GHR: variants seen among roughly 807,000 people sequenced by gnomAD.
GHR encodes GH receptor.
In GHR, 35 loss-of-function variants were observed where a neutral mutation model predicts 67.1. That is an observed-to-expected ratio of 0.52 (90% CI 0.40 to 0.69). The LOEUF (loss-of-function observed/expected upper bound fraction) is 0.69. Among genes scored for constraint, GHR ranks in the 30% least tolerant of loss-of-function variants. The pLI is 0.00. For missense variants in GHR, 792 were observed against 764.6 expected (o/e 1.04, Z -0.42); for synonymous variants, 272 against 269.1 (o/e 1.01, Z -0.10).
intron 2 of GHR, among the ~76,000 whole-genome samples, chr5:42,579,159 GATAGATAGA>G (rs1751010156): frequency 1.2e-5 from 1 of 85,918 alleles, no homozygotes; most frequent in African/African-American, 4.5e-5. Context: ...GATATAGATA[GATAGATAGA>G]TAGATAGATA....
At chr5:42,573,664 T>C (rs1195429324) in intron 2 of GHR, among the ~76,000 whole-genome samples, 1 of 152,176 alleles carries the variant, frequency 6.6e-6, no homozygotes, top group Non-Finnish European at 1.5e-5. Context: ...CATTGAACTT[T>C]AGATTACAAA....
intron 3 of GHR, among the ~76,000 whole-genome samples, chr5:42,686,284 C>A (rs571400780): frequency 3.0e-4 from 45 of 152,284 alleles, no homozygotes; most frequent in African/African-American, 1.1e-3. Context: ...GGCCTCTGTT[C>A]TGTTCCATTG....
At position 42,695,047 on chromosome 5, in the gene GHR, G is replaced by A; in HGVS notation, c.397G>A (p.Gly133Ser). Reference protein sequence around the residue: ...IPYCIKLTSNGGTVDEKCFSV... With the variant: ...IPYCIKLTSNSGTVDEKCFSV... ...TTATTGTATCAAGCTAACTAGCAAT[G>A]GTGGTACAGTGGATGAAAAGTGTTT... Residue 133 changes from glycine (G) to serine (S), a missense_variant, in exon 5 of 10, where the codon GGT becomes AGT. Coordinates refer to ENST00000230882, the MANE Select transcript of GHR (RefSeq NM_000163.5). 6.2e-7 allele frequency: 1 copy of A among 1,611,314 alleles called. No homozygotes were observed. The highest frequency in any genetic ancestry group is 1.3e-5 in the African/African-American group (1 of 74,946).
At chr5:42,532,967 T>G (rs1470029449) in intron 1 of GHR, among the ~76,000 whole-genome samples, 1 of 152,172 alleles carries the variant, frequency 6.6e-6, no homozygotes, top group African/African-American at 2.4e-5. Context: ...GTGTACTTGC[T>G]GTGTCTTAGG....
chr5:42,493,641 A>G (rs1348813036), intron 1 of GHR, among the ~76,000 whole-genome samples: 2 of 152,182 alleles, frequency 1.3e-5, no homozygotes, highest in Non-Finnish European at 2.9e-5. Flanking sequence ...GGATCCTTTA[A>G]TGCCTATAAA....
At chr5:42,463,900 G>A (rs368845160) in intron 1 of GHR, among the ~76,000 whole-genome samples, 1 of 146,602 alleles carries the variant, frequency 6.8e-6, no homozygotes, top group Non-Finnish European at 1.5e-5. Flanking sequence ...GGCTGAGGCA[G>A]GAGAATGGCG....
At chr5:42,481,532 A>T (rs1013733756) in intron 1 of GHR, among the ~76,000 whole-genome samples, 2 of 152,136 alleles carry the variant, frequency 1.3e-5, no homozygotes, top group Admixed American at 6.5e-5. Context: ...CACCAATCAG[A>T]CGTAGATTTG....
chr5:42,699,367 G>A (rs571754165), intron 5 of GHR, among the ~76,000 whole-genome samples: 21 of 152,166 alleles, frequency 1.4e-4, no homozygotes, highest in African/African-American at 5.1e-4. Flanking sequence ...AGGTAAACAG[G>A]GTCTCTGCCC....
intron 4 of GHR, among the ~76,000 whole-genome samples, chr5:42,692,222 AATG>A (rs1421645017): frequency 6.6e-6 from 1 of 152,084 alleles, no homozygotes; most frequent in Admixed American, 6.6e-5. Context: ...TAAAAACATA[AATG>A]ATGTTTTATT....
intron 1 of GHR, among the ~76,000 whole-genome samples, chr5:42,506,255 AT>A (rs1044640136): frequency 6.6e-6 from 1 of 152,222 alleles, no homozygotes; most frequent in Non-Finnish European, 1.5e-5. Flanking sequence ...TTAATGTGGA[AT>A]TTTTTTCCCA....
chr5:42,505,904 T>C (rs1446560268), intron 1 of GHR, among the ~76,000 whole-genome samples: 1 of 152,216 alleles, frequency 6.6e-6, no homozygotes, highest in Non-Finnish European at 1.5e-5. Context: ...ATACCATTCA[T>C]GCATATTACC....
intron 1 of GHR, among the ~76,000 whole-genome samples, chr5:42,442,268 A>G (rs1743611494): frequency 6.6e-6 from 1 of 152,214 alleles, no homozygotes. Context: ...TAGGACTGCT[A>G]GTCACTGCTT....
At chr5:42,481,979 T>G (rs1745662217) in intron 1 of GHR, among the ~76,000 whole-genome samples, 1 of 152,116 alleles carries the variant, frequency 6.6e-6, no homozygotes, top group Non-Finnish European at 1.5e-5. Context: ...GAGTTTCCAG[T>G]TTTTCTGCTG....
chr5:42,567,767 CTGTGTGTGTG>C (rs68150223), intron 2 of GHR, among the ~76,000 whole-genome samples: 27,891 of 140,694 alleles, frequency 0.2, 3,095 homozygotes, highest in Middle Eastern at 0.3. Context: ...ATGCTTGGCT[CTGTGTGTGTG>C]TGTGTGTGTG....
Position 42,620,060 on chromosome 5 carries a change from A to G in GHR, c.71-8978A>G, listed in dbSNP as rs114023268. Among the ~76,000 whole-genome samples, 612 of 152,224 alleles carry G rather than the reference A, an allele frequency of 4.0e-3. 2 individuals are homozygous for G. The highest frequency in any genetic ancestry group is 0.014 in the African/African-American group (593 of 41,536). The stretch of plus-strand genomic sequence containing the variant: ...GGGTGACAGTGAGTGGAAGAAATTA[A>G]TCTTATTTTTATTATTTTTTCCCTT... On this transcript the variant is annotated intron_variant, in intron 2 of 9. Coordinates refer to ENST00000230882, the MANE Select transcript of GHR (RefSeq NM_000163.5).
chr5:42,720,535 G>A lies in GHR; in HGVS notation c.*1111G>A, dbSNP rs1363195815. ...CATAATTATCCAGGAAGGGAATAAG[G>A]TACAAGAAGCATTTTGTAAGTTGAA... On this transcript the variant is annotated 3_prime_UTR_variant, in exon 10 of 10. Transcript: ENST00000230882. 1.3e-5 allele frequency: 2 copies of A among 152,160 alleles called. No homozygotes were observed. The highest frequency in any genetic ancestry group is 1.9e-4 in the East Asian group (1 of 5,200). 9.4% of individuals were successfully genotyped at this position (152,160 alleles called of 1,614,324 possible).
chr5:42,609,037 C>T (rs935354126), intron 2 of GHR, among the ~76,000 whole-genome samples: 1 of 151,984 alleles, frequency 6.6e-6, no homozygotes, highest in East Asian at 1.9e-4. Flanking sequence ...ATGGCATATG[C>T]AAAAATGATG....
chr5:42,500,424 C>T (rs958052014), intron 1 of GHR, among the ~76,000 whole-genome samples: 8 of 152,228 alleles, frequency 5.3e-5, no homozygotes, highest in African/African-American at 9.6e-5. Context: ...CCTCAGCCTC[C>T]TCTATCTGTA....
At chr5:42,506,086 C>T (rs1365609225) in intron 1 of GHR, among the ~76,000 whole-genome samples, 9 of 152,046 alleles carry the variant, frequency 5.9e-5, no homozygotes, top group Admixed American at 1.3e-4. Context: ...AGCCACGAGC[C>T]GTGGTGTGTT....
Sources: allele counts gnomAD v4.1 joint callset (sites outside exome capture counted in the v4.1 genomes callset), GRCh38; gene constraint gnomAD v4.1.1; transcripts MANE v1.5; gene names NCBI Gene and HGNC (gene_info 2026-07-23, HGNC 2026-07-21).